Variants in HMG20A observed in about 807,000 individuals in gnomAD.
HMG20A encodes high mobility group 20A.
In HMG20A, 17 loss-of-function variants were observed where a neutral mutation model predicts 43.9. The observed-to-expected ratio is 0.39, with a 90% CI of 0.27 to 0.58. The LOEUF (loss-of-function observed/expected upper bound fraction) is 0.58, where lower values mean the gene tolerates loss of function less well. Among genes scored for constraint, HMG20A ranks in the 20% least tolerant of loss-of-function variants. HMG20A has a pLI of 0.59. For missense variants in HMG20A, 341 were observed against 438.2 expected, an observed-to-expected ratio of 0.78 and a Z score of 1.98; for synonymous variants, 132 against 147.5, an observed-to-expected ratio of 0.89 and a Z score of 0.76.
the HMG20A span, among the ~76,000 whole-genome samples, chr15:77,504,338 G>A: frequency 6.6e-6 from 1 of 152,230 alleles, no homozygotes; most frequent in Non-Finnish European, 1.5e-5. Context: ...TGAGAAGTGG[G>A]ATGAGGCTTG....
At position 77,479,337 on chromosome 15, in the gene HMG20A, T is replaced by C; in HGVS notation, c.*6+16T>C. The C allele has an allele frequency of 6.2e-7, 1 of 1,609,666 alleles. No individual in the cohort carries two copies. On this transcript the variant is annotated intron_variant, in intron 9 of 9. Coordinates refer to ENST00000336216, the MANE Select transcript of HMG20A (RefSeq NM_001304504.2). Reference sequence around the variant, plus strand: ...TTAGGGAATGGTGAGTGCTCACTGATAAATATTTATATGCCAGCACATCAT... The same window carrying C: ...TTAGGGAATGGTGAGTGCTCACTGACAAATATTTATATGCCAGCACATCAT...
At chr15:77,495,784 G>GT in the HMG20A span, among the ~76,000 whole-genome samples, 4 of 152,284 alleles carry the variant, frequency 2.6e-5, no homozygotes, top group East Asian at 7.7e-4. Context: ...CTTATTCCTA[G>GT]TTTTTCATCC....
At position 77,464,520 on chromosome 15, in the gene HMG20A, T is replaced by C. The variant is rs1290152114; in HGVS notation, c.237+133T>C. 6 of 769,094 alleles carry C rather than the reference T, an allele frequency of 7.8e-6. No individual in the cohort carries two copies. The East Asian group carries it at 8.5e-5, about 11-fold the overall frequency. 47.6% of individuals were successfully genotyped at this position (769,094 alleles called of 1,614,324 possible). A position where few individuals can be genotyped will look rare whatever the true frequency, so the allele number is the denominator to read the frequency against. ...GGCTGATACCTGCAAAATTTTGTTT[T>C]CTATTTCTTGTTTTATACGGAACCA... is the stretch of plus-strand genomic sequence containing the variant. On this transcript the variant is annotated intron_variant, in intron 3 of 9. Transcript: ENST00000336216.
chr15:77,464,436 A>C, intron 3 of HMG20A, 49 bp downstream of exon 3: 1 of 1,586,962 alleles, frequency 6.3e-7, no homozygotes, highest in Non-Finnish European at 8.6e-7. Flanking sequence ...ACTTCTGAAG[A>C]AGCAGTCACA....
chr15:77,479,453 G>A, intron 9 of HMG20A, 132 bp downstream of exon 9: 2 of 774,760 alleles, frequency 2.6e-6, no homozygotes, highest in East Asian at 2.7e-5. Context: ...TAAGATTCCT[G>A]TTGCATGGTT....
intron 6 of HMG20A, among the ~76,000 whole-genome samples, chr15:77,474,363 C>T (rs937137658): frequency 1.3e-5 from 2 of 152,176 alleles, no homozygotes; most frequent in Admixed American, 1.3e-4. Flanking sequence ...CTGACCACCT[C>T]ATTTTGCCAG....
the HMG20A span, among the ~76,000 whole-genome samples, chr15:77,494,643 A>G: frequency 2.0e-5 from 3 of 152,232 alleles, no homozygotes; most frequent in Non-Finnish European, 4.4e-5. Context: ...ATAATGAAAT[A>G]ATATGTTTAT....
At chr15:77,479,343 T>G in intron 9 of HMG20A, 22 bp downstream of exon 9, 1 of 1,607,792 alleles carries the variant, frequency 6.2e-7, no homozygotes, top group South Asian at 1.1e-5. Flanking sequence ...CTGATAAATA[T>G]TTATATGCCA....
chr15:77,455,149 G>A (rs910710743), intron 1 of HMG20A, among the ~76,000 whole-genome samples: 2 of 151,500 alleles, frequency 1.3e-5, no homozygotes, highest in African/African-American at 4.9e-5. Context: ...CAACACATTT[G>A]GAATAACATA....
chr15:77,497,082 C>A, the HMG20A span, among the ~76,000 whole-genome samples: 1 of 152,216 alleles, frequency 6.6e-6, no homozygotes, highest in African/African-American at 2.4e-5. Flanking sequence ...CAATCCATAG[C>A]CGACCCTCGC....
At chr15:77,471,925 C>T (rs958775541) in intron 6 of HMG20A, 111 bp downstream of exon 6, 5 of 591,730 alleles carry the variant, frequency 8.4e-6, no homozygotes, top group South Asian at 2.3e-5. Context: ...TTTCCTATCT[C>T]GTAATTCAGA....
chr15:77,432,316 AG>A lies in HMG20A; in HGVS notation c.-5+11313del, dbSNP rs2073493676. ...AAATGCATATATTAGAATAGAAAAA[AG>A]TAAAAAATCAGTTATCTAAATACCC... On this transcript the variant is annotated intron_variant, in intron 1 of 9. Coordinates refer to ENST00000336216, the MANE Select transcript of HMG20A (RefSeq NM_001304504.2). Among the ~76,000 whole-genome samples, 6 of 152,360 alleles carry A rather than the reference AG, an allele frequency of 3.9e-5. No individual in the cohort carries two copies. In the East Asian group the frequency reaches 1.2e-3, roughly 29 times the overall value.
At chr15:77,433,500 A>C (rs1159547609) in intron 1 of HMG20A, among the ~76,000 whole-genome samples, 1 of 152,208 alleles carries the variant, frequency 6.6e-6, no homozygotes, top group African/African-American at 2.4e-5. Context: ...CCTTAATGCC[A>C]AGAGCTGGCA....
intron 4 of HMG20A, among the ~76,000 whole-genome samples, chr15:77,470,671 A>G (rs1176019949): frequency 2.0e-5 from 3 of 152,206 alleles, no homozygotes; most frequent in Non-Finnish European, 4.4e-5. Flanking sequence ...TGTCTTCATT[A>G]GGTTAGAAAA....
chr15:77,459,168 A>G (rs1595923495), intron 2 of HMG20A, among the ~76,000 whole-genome samples: 1 of 152,358 alleles, frequency 6.6e-6, no homozygotes, highest in East Asian at 1.9e-4. Context: ...CTGTTTAAAA[A>G]ATAGGCTATA....
intron 1 of HMG20A, among the ~76,000 whole-genome samples, chr15:77,425,681 T>G (rs985081935): frequency 1.3e-5 from 2 of 152,180 alleles, no homozygotes; most frequent in Non-Finnish European, 2.9e-5. Flanking sequence ...TAATATAGAA[T>G]TGTTTGCATT....
At chr15:77,464,793 G>C (rs80131604) in intron 3 of HMG20A, 24 of 156,986 alleles carry the variant, frequency 1.5e-4, no homozygotes, top group African/African-American at 5.1e-4. Flanking sequence ...CCTCCCATAG[G>C]GGGTAACTTT....
chr15:77,475,979 A>G (rs2072850990), intron 6 of HMG20A, among the ~76,000 whole-genome samples: 1 of 152,190 alleles, frequency 6.6e-6, no homozygotes, highest in Non-Finnish European at 1.5e-5. Context: ...AGAAAAATAC[A>G]AGTAGAAATT....
chr15:77,496,009 A>G, the HMG20A span, among the ~76,000 whole-genome samples: 23 of 152,036 alleles, frequency 1.5e-4, no homozygotes, highest in African/African-American at 5.3e-4. Context: ...TCCTCTTGCA[A>G]TCCCAGGAGA....
Sources: gnomAD v4.1 joint callset for allele counts (sites outside exome capture counted in the v4.1 genomes callset) on GRCh38, gnomAD v4.1.1 for gene constraint, MANE v1.5 for transcripts, NCBI Gene and HGNC (gene_info 2026-07-23, HGNC 2026-07-21) for gene names.